FHDC1: variants seen among roughly 807,000 people sequenced by gnomAD.
FHDC1 encodes the protein FH2 domain containing 1, also known as FH2 domain-containing protein 1.
In FHDC1, 25 loss-of-function variants were observed where a neutral mutation model predicts 52.6. The observed-to-expected ratio is 0.48, with a 90% CI of 0.35 to 0.66. The LOEUF is 0.66. Among genes scored for constraint, FHDC1 ranks in the 30% least tolerant of loss-of-function variants. The pLI is 0.01. For missense variants in FHDC1, 1,459 were observed against 1,452.8 expected (o/e 1.00, Z -0.07); for synonymous variants, 616 against 581.5 (o/e 1.06, Z -0.85).
At chr4:152,924,868 G>T in the FHDC1 span, among the ~76,000 whole-genome samples, 2 of 119,038 alleles carry the variant, frequency 1.7e-5, no homozygotes, top group Non-Finnish European at 3.4e-5. Context: ...TTGTGGGGTG[G>T]GGGGAGGGGG....
At chr4:152,922,700 A>C in the FHDC1 span, among the ~76,000 whole-genome samples, 1 of 152,176 alleles carries the variant, frequency 6.6e-6, no homozygotes, top group Non-Finnish European at 1.5e-5. Context: ...AGGCTGGTTC[A>C]ATATACGCAA....
chr4:152,914,241 G>A, the FHDC1 span, among the ~76,000 whole-genome samples: 1 of 152,146 alleles, frequency 6.6e-6, no homozygotes, highest in African/African-American at 2.4e-5. Context: ...TCAGTTCTAT[G>A]TTCCCACTTG....
Position 152,942,962 on chromosome 4 carries a change from G to T in FHDC1, c.-96G>T. The T allele has an allele frequency of 7.4e-7, 1 of 1,354,484 alleles. No homozygotes were observed. The highest frequency in any genetic ancestry group is 1.0e-6 in the Non-Finnish European group (1 of 985,188). 83.9% of individuals were successfully genotyped at this position (1,354,484 alleles called of 1,614,324 possible). A position where few individuals can be genotyped will look rare whatever the true frequency, so the allele number is the denominator to read the frequency against. On this transcript the variant is annotated 5_prime_UTR_variant, in exon 2 of 12. Coordinates refer to ENST00000511601, the MANE Select transcript of FHDC1 (RefSeq NM_001371116.1). ...AGGACAGTTGCCCTTTATTCTGGCG[G>T]CAGATAGCAGCAGGTGAAAAAGTGC...
intron 2 of FHDC1, among the ~76,000 whole-genome samples, chr4:152,947,501 G>A (rs1396822400): frequency 1.3e-5 from 2 of 152,148 alleles, no homozygotes; most frequent in Non-Finnish European, 2.9e-5. Context: ...GGCCCCCTGG[G>A]AGCCTTCCAC....
Position 152,979,598 on chromosome 4 carries a change from CTG to C in FHDC1, c.*2876_*2877del, listed in dbSNP as rs1212863690. 4 of 152,212 alleles carry C rather than the reference CTG, an allele frequency of 2.6e-5. No individual in the cohort carries two copies. Among genetic ancestry groups the C allele is most frequent in the Non-Finnish European group, 4.4e-5 (3 of 68,038 alleles). 9.4% of individuals were successfully genotyped at this position (152,212 alleles called of 1,614,324 possible). Reference sequence around the variant, plus strand: ...TCTATGTAAATTTGTTTAAAATAAACTGAATGTATTTAATGGTCCATTTATAT... The same window carrying C: ...TCTATGTAAATTTGTTTAAAATAAACAATGTATTTAATGGTCCATTTATAT... On this transcript the variant is annotated 3_prime_UTR_variant, in exon 12 of 12. Coordinates refer to ENST00000511601, the MANE Select transcript of FHDC1 (RefSeq NM_001371116.1).
rs112421953 is a variant in FHDC1 at position 152,960,595 on chromosome 4, G to A, written c.694G>A (p.Val232Met). 191 of 1,614,104 alleles carry A rather than the reference G, an allele frequency of 1.2e-4. No homozygotes were observed. The highest frequency in any genetic ancestry group is 6.6e-4 in the Middle Eastern group (4 of 6,062). Residue 232 changes from valine (V) to methionine (M), a missense_variant, in exon 5 of 12, where the codon GTG becomes ATG. Val to Met is a conservative substitution (Grantham distance 21). Transcript: ENST00000511601. ...GAAGTTAAAAGCGTTTAGTGGCGAC[G>A]TGTCGAAGCTGTCTCTGGCAGATTC... The part of the protein sequence containing the change: ...VKKLKAFSGD[V>M]SKLSLADSFL...
At chr4:152,960,335 A>G (rs1345073039) in intron 4 of FHDC1, among the ~76,000 whole-genome samples, 2 of 152,170 alleles carry the variant, frequency 1.3e-5, no homozygotes, top group Non-Finnish European at 2.9e-5. Context: ...GTGTATCTAT[A>G]GCTACATAAG....
intron 10 of FHDC1, among the ~76,000 whole-genome samples, chr4:152,969,718 G>A (rs1267393545): frequency 6.9e-6 from 1 of 145,166 alleles, no homozygotes; most frequent in Non-Finnish European, 1.5e-5. Context: ...CACCCAGGCT[G>A]GAGTGCAGTG....
At position 152,976,208 on chromosome 4, in the gene FHDC1, G is replaced by C. The variant is rs753146593; in HGVS notation, c.2917G>C (p.Val973Leu). 2.5e-6 allele frequency: 4 copies of C among 1,612,800 alleles called. No individual in the cohort carries two copies. The highest frequency in any genetic ancestry group is 3.4e-6 in the Non-Finnish European group (4 of 1,179,848). The change falls in exon 12 of 12, where the codon GTT becomes CTT. Residue 973 changes from valine to leucine, a missense_variant. By Grantham distance (32) the Val-to-Leu change is conservative. Coordinates refer to ENST00000511601, the MANE Select transcript of FHDC1 (RefSeq NM_001371116.1). ...CAGCAGCACCCGTCCGGGGAGGGAC[G>C]TTCCCCTGCAGCCCAGGGGTTCTTT... ...GSSSTRPGRD[V>L]PLQPRGSFKK... is the part of the protein sequence containing the mutation.
intron 4 of FHDC1, among the ~76,000 whole-genome samples, chr4:152,957,289 T>C (rs1439969098): frequency 2.0e-5 from 3 of 152,210 alleles, no homozygotes; most frequent in Non-Finnish European, 4.4e-5. Flanking sequence ...CAGGGCAGAA[T>C]GAAGTGACTG....
chr4:152,926,567 G>T, the FHDC1 span, among the ~76,000 whole-genome samples: 1 of 144,990 alleles, frequency 6.9e-6, no homozygotes, highest in African/African-American at 2.6e-5. Flanking sequence ...TTTTTAGTTT[G>T]GCTTGGTTAG....
At position 152,975,424 on chromosome 4, in the gene FHDC1, T is replaced by C. The variant is rs758166211; in HGVS notation, c.2133T>C (p.His711=). 1 of 1,613,444 alleles carries C rather than the reference T, an allele frequency of 6.2e-7. No individual in the cohort carries two copies. The highest frequency in any genetic ancestry group is 8.5e-7 in the Non-Finnish European group (1 of 1,180,014). ...CGATGGAGCTAGAGTCTGTGGGGCA[T>C]AGGGGCCCGCAGTCCCTCAGTGCCA... ...FSPMELESVG[H]RGPQSLSASS... The change falls in exon 12 of 12, where the codon CAT becomes CAC. Residue 711 remains histidine, a synonymous_variant. Transcript: ENST00000511601.
At chr4:152,951,602 A>G (rs554382581) in intron 2 of FHDC1, among the ~76,000 whole-genome samples, 2 of 152,332 alleles carry the variant, frequency 1.3e-5, no homozygotes, top group African/African-American at 4.8e-5. Context: ...AACGTTGGTT[A>G]ACAGTCTCGC....
chr4:152,956,572 T>C (rs1226690372), intron 4 of FHDC1, among the ~76,000 whole-genome samples: 1 of 152,148 alleles, frequency 6.6e-6, no homozygotes, highest in African/African-American at 2.4e-5. Flanking sequence ...AGGAAGACTG[T>C]TGAGGGCAAA....
chr4:152,941,134 C>G, intron 1 of FHDC1, among the ~76,000 whole-genome samples: 1 of 152,168 alleles, frequency 6.6e-6, no homozygotes, highest in Non-Finnish European at 1.5e-5. Flanking sequence ...GCTGGAGATG[C>G]CATTTTCCTC....
the FHDC1 span, among the ~76,000 whole-genome samples, chr4:152,918,661 C>T: frequency 2.0e-5 from 3 of 152,310 alleles, no homozygotes; most frequent in East Asian, 5.8e-4. Context: ...TGTGTCAAAG[C>T]TGGAGTTGTT....
the FHDC1 span, among the ~76,000 whole-genome samples, chr4:152,915,257 C>T: frequency 7.2e-4 from 109 of 152,296 alleles, no homozygotes; most frequent in African/African-American, 2.6e-3. Flanking sequence ...CAGAGTCTCA[C>T]TCTGTTGCTC....
rs962227454 is a variant in FHDC1, at chr4:152,977,971, T to A, written c.*1248T>A. ...CTAGGAACAGGAGGGAAAGTTGGAC[T>A]CAGACAGAAATCAGATGCTTCCATG... is the stretch of plus-strand genomic sequence containing the variant. On this transcript the variant is annotated 3_prime_UTR_variant, in exon 12 of 12. Coordinates refer to ENST00000511601, the MANE Select transcript of FHDC1 (RefSeq NM_001371116.1). 36 of 152,260 alleles carry A rather than the reference T, an allele frequency of 2.4e-4. No individual in the cohort carries two copies. The highest frequency in any genetic ancestry group is 7.0e-4 in the African/African-American group (29 of 41,458). The allele number at this position is 152,260 out of a possible 1,614,324, so 9.4% of individuals were successfully genotyped here. A position where few individuals can be genotyped will look rare whatever the true frequency, so the allele number is the denominator to read the frequency against.
intron 1 of FHDC1, among the ~76,000 whole-genome samples, 192 bp downstream of exon 1, chr4:152,936,601 T>A (rs1739386921): frequency 6.6e-6 from 1 of 152,172 alleles, no homozygotes; most frequent in African/African-American, 2.4e-5. Flanking sequence ...GAGAGGAGGT[T>A]CCAGTTCCCT....
Sources: allele counts gnomAD v4.1 joint callset (sites outside exome capture counted in the v4.1 genomes callset), GRCh38; gene constraint gnomAD v4.1.1; transcripts MANE v1.5; gene names NCBI Gene and HGNC (gene_info 2026-07-23, HGNC 2026-07-21).